Variants in KDELR2 observed in about 807,000 individuals in gnomAD.
KDELR2 encodes the protein ER lumen protein-retaining receptor 2.
A neutral mutation model predicts 23.9 loss-of-function variants in KDELR2; 15 were observed. The observed-to-expected ratio is 0.63, with a 90% CI of 0.42 to 0.97. KDELR2 has a LOEUF of 0.97. KDELR2 is among the 50% of genes least tolerant of loss of function. The pLI, the probability that KDELR2 is intolerant of heterozygous loss-of-function variation, is 0.00. For missense variants in KDELR2, 272 were observed against 254.6 expected (o/e 1.07, Z -0.46); for synonymous variants, 119 against 106.2 (o/e 1.12, Z -0.74).
Position 6,463,071 on chromosome 7 carries a change from A to G in KDELR2, c.*70T>C, listed in dbSNP as rs374502111. 2 of 1,614,098 alleles carry G rather than the reference A, an allele frequency of 1.2e-6. No individual in the cohort carries two copies. The highest frequency in any genetic ancestry group is 2.7e-5 in the African/African-American group (2 of 74,944). ...TCTGATTTTCCGTATCAAGCATCTT[A>G]TGCCTTTGCTGTGGTAAGAATTCTG... On this transcript the variant is annotated 3_prime_UTR_variant, in exon 5 of 5. Transcript: ENST00000258739.
In KDELR2 at chr7:6,461,893, C is replaced by CATA. The variant is rs1468323627; in HGVS notation, c.*1245_*1247dup. On this transcript the variant is annotated 3_prime_UTR_variant, in exon 5 of 5. Transcript: ENST00000258739. The stretch of plus-strand genomic sequence containing the variant: ...AAAATTCTAGTATTTCCACAAAATA[C>CATA]ATAATGTCTTACAGATGATTATGTG... 1 of 152,024 alleles carries CATA rather than the reference C, an allele frequency of 6.6e-6. No individual in the cohort carries two copies. The highest frequency in any genetic ancestry group is 6.6e-5 in the Admixed American group (1 of 15,240). The allele number at this position is 152,024 out of a possible 1,614,324, so 9.4% of individuals were successfully genotyped here.
At chr7:6,465,199 TGAGA>T (rs1275331436) in intron 4 of KDELR2, among the ~76,000 whole-genome samples, 8 of 149,870 alleles carry the variant, frequency 5.3e-5, no homozygotes, top group Non-Finnish European at 1.0e-4. Flanking sequence ...TTTTTTTTTT[TGAGA>T]GAGAGAGTCT....
intron 1 of KDELR2, among the ~76,000 whole-genome samples, chr7:6,483,322 T>G (rs891012622): frequency 6.6e-6 from 1 of 151,820 alleles, no homozygotes; most frequent in African/African-American, 2.4e-5. Context: ...ACTGACGACC[T>G]CTCGGCAAGC....
Position 6,478,230 on chromosome 7 carries a change from G to A in KDELR2, c.92-3946C>T, listed in dbSNP as rs77302099. Among the ~76,000 whole-genome samples the A allele has an allele frequency of 9.2e-3, 1,397 of 151,748 alleles. 11 individuals are homozygous for A. The highest frequency in any genetic ancestry group is 0.032 in the African/African-American group (1,318 of 41,352). On this transcript the variant is annotated intron_variant, in intron 1 of 4. Coordinates refer to ENST00000258739, the MANE Select transcript of KDELR2 (RefSeq NM_006854.4). ...GGGTATAATGGCATGATCACAGCTC[G>A]CTGCAGCCTGGGGCTTAAGCGATTC...
At chr7:6,482,478 G>A (rs1454539794) in intron 1 of KDELR2, 1 of 428,510 alleles carries the variant, frequency 2.3e-6, no homozygotes, top group Non-Finnish European at 4.9e-6. Flanking sequence ...TAACCTCCAA[G>A]TCAAACACAC....
In KDELR2 at chr7:6,480,208, T is replaced by C. The variant is rs545761579; in HGVS notation, c.91+3759A>G. 7.2e-5 allele frequency among the ~76,000 whole-genome samples: 11 copies of C among 152,294 alleles called. No homozygotes were observed. In the South Asian group the frequency reaches 2.1e-3, roughly 29 times the overall value. On this transcript the variant is annotated intron_variant, in intron 1 of 4. Transcript: ENST00000258739. ...CACTACTGATAACTAGCTACAGTAA[T>C]ACACACTACTAATAGACACAGCACT...
At chr7:6,464,171 T>C (rs1168205805) in intron 4 of KDELR2, among the ~76,000 whole-genome samples, 3 of 111,452 alleles carry the variant, frequency 2.7e-5, no homozygotes, top group African/African-American at 1.1e-4. Flanking sequence ...CACTCCAGCC[T>C]GGGCAACAAG....
intron 3 of KDELR2, among the ~76,000 whole-genome samples, chr7:6,467,668 G>A (rs915647421): frequency 1.6e-4 from 25 of 152,156 alleles, no homozygotes; most frequent in Admixed American, 2.6e-4. Flanking sequence ...GGCTGAGGCA[G>A]GAGAATCGCT....
chr7:6,464,629 T>G (rs1273383396), intron 4 of KDELR2, among the ~76,000 whole-genome samples: 1 of 151,196 alleles, frequency 6.6e-6, no homozygotes, highest in Non-Finnish European at 1.5e-5. Context: ...GAGGCAGAGG[T>G]TGCAGTGAGC....
chr7:6,473,381 T>C (rs1255189942), intron 2 of KDELR2, among the ~76,000 whole-genome samples: 2 of 152,118 alleles, frequency 1.3e-5, no homozygotes, highest in Non-Finnish European at 2.9e-5. Flanking sequence ...CCCAGCTCTG[T>C]AGGTGTTCAC....
chr7:6,467,120 A>C (rs1345690743), intron 3 of KDELR2, among the ~76,000 whole-genome samples: 1 of 152,062 alleles, frequency 6.6e-6, no homozygotes, highest in Non-Finnish European at 1.5e-5. Flanking sequence ...CTCCAGGTTT[A>C]TTCTTCCCTC....
At chr7:6,465,007 A>C (rs1197749328) in intron 4 of KDELR2, among the ~76,000 whole-genome samples, 1 of 151,570 alleles carries the variant, frequency 6.6e-6, no homozygotes, top group Non-Finnish European at 1.5e-5. Context: ...AAGTGCTGAG[A>C]TTATAGGCGT....
chr7:6,469,150 C>T (rs1785569332), intron 3 of KDELR2, among the ~76,000 whole-genome samples: 1 of 151,372 alleles, frequency 6.6e-6, no homozygotes, highest in Non-Finnish European at 1.5e-5. Context: ...GACGGGGTTT[C>T]ACCATGTTAG....
chr7:6,472,587 G>A (rs1785672433), intron 2 of KDELR2, among the ~76,000 whole-genome samples: 8 of 152,098 alleles, frequency 5.3e-5, no homozygotes. Context: ...CTGAATACTA[G>A]GTTCCCATCA....
At chr7:6,468,478 G>A (rs547835432) in intron 3 of KDELR2, among the ~76,000 whole-genome samples, 10 of 151,914 alleles carry the variant, frequency 6.6e-5, no homozygotes, top group South Asian at 2.1e-4. Flanking sequence ...ACAGGCGTGC[G>A]ATACCACACC....
At chr7:6,466,698 G>T (rs1474862598) in intron 3 of KDELR2, among the ~76,000 whole-genome samples, 2 of 151,698 alleles carry the variant, frequency 1.3e-5, no homozygotes, top group Non-Finnish European at 2.9e-5. Context: ...GCAACTAGAT[G>T]GTCCTATCTG....
chr7:6,467,960 C>T (rs1785537761), intron 3 of KDELR2, among the ~76,000 whole-genome samples: 1 of 152,184 alleles, frequency 6.6e-6, no homozygotes, highest in African/African-American at 2.4e-5. Context: ...GTGCAGAGTG[C>T]TGCTAAGCAG....
intron 2 of KDELR2, 66 bp downstream of exon 2, chr7:6,474,118 T>C: frequency 1.1e-6 from 1 of 928,284 alleles, no homozygotes; most frequent in Non-Finnish European, 1.7e-6. Context: ...ACAGCTGACA[T>C]AAATTAAGTG....
At chr7:6,463,322 A>G (rs1785427548) in intron 4 of KDELR2, 147 bp from the exon 5 acceptor site, 1 of 645,272 alleles carries the variant, frequency 1.5e-6, no homozygotes, top group African/African-American at 1.8e-5. Context: ...TAAAAATACA[A>G]ATTTGATTGA....
Sources: gnomAD v4.1 joint callset for allele counts (sites outside exome capture counted in the v4.1 genomes callset) on GRCh38, gnomAD v4.1.1 for gene constraint, MANE v1.5 for transcripts, NCBI Gene and HGNC (gene_info 2026-07-23, HGNC 2026-07-21) for gene names.